The following CADPS variants were observed in gnomAD, a reference collection of about 807,000 sequenced individuals.
CADPS encodes the protein calcium-dependent secretion activator 1.
A neutral mutation model predicts 167.3 loss-of-function variants in CADPS; 57 were observed. That is an observed-to-expected ratio of 0.34 (90% confidence interval 0.28 to 0.42). The LOEUF is 0.42. Among genes scored for constraint, CADPS ranks in the 20% least tolerant of loss-of-function variants. The pLI is 1.00. For synonymous variants in CADPS, 676 were observed against 635.3 expected (o/e 1.06, Z -0.96); for missense variants, 1,414 against 1,738.1 (o/e 0.81, Z 3.32).
chr3:62,536,689 T>A (rs1245781215), intron 11 of CADPS, 108 bp from the exon 12 acceptor site: 1 of 1,124,892 alleles, frequency 8.9e-7, no homozygotes, highest in African/African-American at 1.5e-5. Flanking sequence ...ACGTTAGCTG[T>A]TTCCCCGTTG....
chr3:62,860,411 G>T (rs2080552744), intron 1 of CADPS, among the ~76,000 whole-genome samples: 1 of 152,140 alleles, frequency 6.6e-6, no homozygotes, highest in Non-Finnish European at 1.5e-5. Flanking sequence ...GTATCTGCAG[G>T]AGATTGGTTC....
intron 6 of CADPS, among the ~76,000 whole-genome samples, chr3:62,637,161 A>C (rs112706485): frequency 6.6e-6 from 1 of 152,130 alleles, no homozygotes; most frequent in Non-Finnish European, 1.5e-5. Context: ...TTGATTTTCA[A>C]CAACAACCCG....
At chr3:62,615,517 A>G (rs2149373161) in intron 6 of CADPS, among the ~76,000 whole-genome samples, 1 of 152,312 alleles carries the variant, frequency 6.6e-6, no homozygotes, top group Non-Finnish European at 1.5e-5. Context: ...AGTTGAATGA[A>G]TGTTGATTAT....
chr3:62,648,364 T>C (rs539453793), intron 5 of CADPS, among the ~76,000 whole-genome samples: 1 of 152,058 alleles, frequency 6.6e-6, no homozygotes, highest in Non-Finnish European at 1.5e-5. Flanking sequence ...CTGTGTAATA[T>C]CGAGTACTGA....
At chr3:62,703,105 TA>T in intron 3 of CADPS, among the ~76,000 whole-genome samples, 2 of 152,300 alleles carry the variant, frequency 1.3e-5, no homozygotes, top group East Asian at 3.9e-4. Flanking sequence ...AGCACCATTA[TA>T]AAACAAATAT....
chr3:62,491,574 C>CACACACACACACAA, intron 20 of CADPS, 94 bp from the exon 21 acceptor site: 1 of 979,364 alleles, frequency 1.0e-6, no homozygotes, highest in African/African-American at 1.7e-5. Flanking sequence ...CACACACACA[C>CACACACACACACAA]ACACACACAC....
intron 26 of CADPS, among the ~76,000 whole-genome samples, chr3:62,462,051 A>G (rs1289980475): frequency 6.6e-6 from 1 of 152,172 alleles, no homozygotes. Context: ...GAACCTGGGT[A>G]CCTGCTTGCC....
chr3:62,689,678 C>T (rs1043953501), intron 3 of CADPS, among the ~76,000 whole-genome samples: 1 of 152,066 alleles, frequency 6.6e-6, no homozygotes, highest in African/African-American at 2.4e-5. Context: ...AGAATTTCTT[C>T]CTGCCAAGTA....
At chr3:62,475,599 A>C (rs1011799634) in intron 23 of CADPS, among the ~76,000 whole-genome samples, 5 of 147,466 alleles carry the variant, frequency 3.4e-5, no homozygotes, top group African/African-American at 1.0e-4. Flanking sequence ...AAAAAAAAAA[A>C]AAAAAAAAAA....
intron 1 of CADPS, among the ~76,000 whole-genome samples, chr3:62,869,334 G>C (rs1319274786): frequency 1.3e-5 from 2 of 151,876 alleles, no homozygotes; most frequent in Non-Finnish European, 2.9e-5. Flanking sequence ...GAACCAGTAA[G>C]TCACTCAACC....
intron 6 of CADPS, among the ~76,000 whole-genome samples, chr3:62,643,868 T>C (rs1238487258): frequency 1.3e-5 from 2 of 152,156 alleles, no homozygotes; most frequent in Admixed American, 1.3e-4. Context: ...CATAAGAGCA[T>C]GGAAAACGAT....
intron 4 of CADPS, among the ~76,000 whole-genome samples, chr3:62,661,860 T>A (rs756363655): frequency 6.6e-6 from 1 of 152,068 alleles, no homozygotes. Context: ...TGACTGAGTG[T>A]GGAACATTGC....
intron 3 of CADPS, among the ~76,000 whole-genome samples, chr3:62,702,518 G>A (rs1268303630): frequency 6.6e-6 from 1 of 152,082 alleles, no homozygotes; most frequent in Non-Finnish European, 1.5e-5. Context: ...ATAGATTGGT[G>A]ATGATGGGAA....
chr3:62,424,580 T>A (rs551009707), intron 28 of CADPS, among the ~76,000 whole-genome samples: 6 of 152,154 alleles, frequency 3.9e-5, no homozygotes, highest in Non-Finnish European at 8.8e-5. Flanking sequence ...CCCAGAGCAT[T>A]AGACTTGGCT....
chr3:62,695,488 C>A (rs2080094190), intron 3 of CADPS, among the ~76,000 whole-genome samples: 1 of 152,024 alleles, frequency 6.6e-6, no homozygotes. Flanking sequence ...CTGAGTCTGA[C>A]ACCTTAAAGA....
In CADPS at chr3:62,461,489, C is replaced by T. The variant is rs118045224; in HGVS notation, c.3636+3878G>A. On this transcript the variant is annotated intron_variant, in intron 26 of 29. Coordinates refer to ENST00000383710, the MANE Select transcript of CADPS (RefSeq NM_003716.4). ...GAGCTCTCCGGTATATCATAGTTCTCGGGCTTTCCACCTTTGCCCTCTCCA... is the reference window on the plus strand; with the variant it reads ...GAGCTCTCCGGTATATCATAGTTCTTGGGCTTTCCACCTTTGCCCTCTCCA... Among the ~76,000 whole-genome samples, 67 of 152,246 alleles carry T rather than the reference C, an allele frequency of 4.4e-4. 1 individual carries two copies. The East Asian group carries it at 9.3e-3, about 21-fold the overall frequency.
At chr3:62,422,660 A>G (rs191980220) in intron 28 of CADPS, among the ~76,000 whole-genome samples, 85 of 152,312 alleles carry the variant, frequency 5.6e-4, no homozygotes, top group Middle Eastern at 3.4e-3. Flanking sequence ...ATTATTGGAT[A>G]ATGACCACGT....
intron 3 of CADPS, among the ~76,000 whole-genome samples, chr3:62,691,015 C>A (rs2079009550): frequency 6.6e-6 from 1 of 151,972 alleles, no homozygotes; most frequent in Non-Finnish European, 1.5e-5. Context: ...AGCTATCAAA[C>A]CTTGAAAAGA....
intron 9 of CADPS, among the ~76,000 whole-genome samples, chr3:62,559,540 A>G (rs138172326): frequency 2.9e-4 from 44 of 151,424 alleles, no homozygotes; most frequent in African/African-American, 1.1e-3. Flanking sequence ...TGTTGCCCAG[A>G]CTGGGGTGCA....
Sources: allele counts gnomAD v4.1 joint callset (sites outside exome capture counted in the v4.1 genomes callset), GRCh38; gene constraint gnomAD v4.1.1; transcripts MANE v1.5; gene names NCBI Gene and HGNC (gene_info 2026-07-23, HGNC 2026-07-21).